Variants in NHSL1 observed in about 807,000 individuals in gnomAD.
The protein encoded by NHSL1 is NHS-like protein 1.
NHSL1 carries 48 observed loss-of-function variants against 95.0 expected under a neutral mutation model. The ratio of observed to expected loss-of-function variants is 0.51; its 90% CI spans 0.40 to 0.64. The LOEUF is 0.64. NHSL1 is among the 30% of genes least tolerant of loss of function. NHSL1 has a pLI of 0.00. For synonymous variants in NHSL1, 783 were observed against 833.9 expected (o/e 0.94, Z 1.05); for missense variants, 1,971 against 2,077.7 (o/e 0.95, Z 1.00).
intron 1 of NHSL1, among the ~76,000 whole-genome samples, chr6:138,667,542 A>T (rs75348099): frequency 0.062 from 9,398 of 152,310 alleles, 308 homozygotes; most frequent in South Asian, 0.076. Context: ...CTGGAAATGC[A>T]TATACTTGAG....
rs1411835418 is a variant in NHSL1 at position 138,424,794 on chromosome 6, G to A, written c.4108C>T (p.Arg1370Cys). 1.3e-6 allele frequency: 2 copies of A among 1,549,970 alleles called. No homozygotes were observed. Among genetic ancestry groups the A allele is most frequent in the Admixed American group, 2.0e-5 (1 of 50,858 alleles). The change falls in exon 8 of 8, where the codon CGT becomes TGT. Residue 1370 changes from arginine to cysteine, a missense_variant. By Grantham distance (180) the Arg-to-Cys change is radical. Transcript: ENST00000343505. The surrounding 1 kb of genome is among the most constrained non-coding windows in gnomAD (Gnocchi z 5.9). ...IHRSKRKVLG[R>C]RDSDDDHSRN... is the part of the protein sequence containing the mutation. ...GAGTGGTCATCATCTGAATCTCTAC[G>A]GCCGAGGACTTTCCTTTTGGATCTG... is the stretch of plus-strand genomic sequence containing the variant.
At chr6:138,475,395 A>AT (rs71009588) in intron 2 of NHSL1, among the ~76,000 whole-genome samples, 8,358 of 151,246 alleles carry the variant, frequency 0.055, 637 homozygotes, top group East Asian at 0.29. Context: ...GCATTATTTT[A>AT]TTTTTTTTAT....
intron 1 of NHSL1, chr6:138,571,689 A>T: frequency 6.5e-7 from 1 of 1,548,388 alleles, no homozygotes; most frequent in Non-Finnish European, 8.7e-7. Flanking sequence ...AAATGTTTAA[A>T]TTTTTTAAAA....
chr6:138,641,026 C>T (rs1784952930), intron 1 of NHSL1, among the ~76,000 whole-genome samples: 1 of 152,232 alleles, frequency 6.6e-6, no homozygotes, highest in Admixed American at 6.5e-5. Flanking sequence ...ACAAAACAGT[C>T]CTCCCACCCC....
chr6:138,611,484 C>T (rs1197724294), intron 1 of NHSL1, among the ~76,000 whole-genome samples: 1 of 152,122 alleles, frequency 6.6e-6, no homozygotes, highest in Non-Finnish European at 1.5e-5. Flanking sequence ...CGGTGGCTCA[C>T]GCCTGTAATC....
intron 1 of NHSL1, among the ~76,000 whole-genome samples, chr6:138,569,245 ATGTG>A (rs58789555): frequency 3.7e-4 from 55 of 147,496 alleles, no homozygotes; most frequent in East Asian, 4.0e-4. Context: ...TTGTGTGTAT[ATGTG>A]TGTGTGTGTG....
intron 1 of NHSL1, among the ~76,000 whole-genome samples, chr6:138,649,902 C>T (rs1049288407): frequency 6.6e-6 from 1 of 152,144 alleles, no homozygotes; most frequent in Non-Finnish European, 1.5e-5. Flanking sequence ...CCCATCCAAC[C>T]TGGGCCCCCA....
At chr6:138,564,884 A>C (rs903714192) in intron 1 of NHSL1, among the ~76,000 whole-genome samples, 1 of 152,174 alleles carries the variant, frequency 6.6e-6, no homozygotes, top group African/African-American at 2.4e-5. Context: ...GGAGGTCAAC[A>C]GGCAGGGGAG....
intron 1 of NHSL1, among the ~76,000 whole-genome samples, chr6:138,556,948 A>C (rs373185679): frequency 1.6e-4 from 25 of 152,320 alleles, no homozygotes; most frequent in African/African-American, 5.1e-4. Context: ...CAGATGGAGA[A>C]AAGAGAGTGA....
At chr6:138,551,992 A>C (rs1439097676) in intron 1 of NHSL1, among the ~76,000 whole-genome samples, 1 of 152,216 alleles carries the variant, frequency 6.6e-6, no homozygotes, top group Non-Finnish European at 1.5e-5. Context: ...CAAACTAACC[A>C]TGGAGCAGTA....
intron 1 of NHSL1, among the ~76,000 whole-genome samples, chr6:138,649,768 C>T (rs1785064571): frequency 1.3e-5 from 2 of 152,250 alleles, no homozygotes; most frequent in African/African-American, 2.4e-5. Flanking sequence ...TGATGGTGGC[C>T]GTGTGCCAGG....
At chr6:138,657,812 CTCAAAAAAAAAAA>C (rs929342049) in intron 1 of NHSL1, among the ~76,000 whole-genome samples, 13 of 71,120 alleles carry the variant, frequency 1.8e-4, no homozygotes, top group African/African-American at 8.8e-4. Flanking sequence ...GAGACTCCAT[CTCAAAAAAAAAAA>C]AAAAAAAAAA....
At chr6:138,491,849 C>T (rs1007747423) in intron 2 of NHSL1, among the ~76,000 whole-genome samples, 1 of 151,966 alleles carries the variant, frequency 6.6e-6, no homozygotes, top group African/African-American at 2.4e-5. Flanking sequence ...ATCCCTAATC[C>T]CAAAACCCAA....
At chr6:138,610,539 T>TAAA (rs1390403525) in intron 1 of NHSL1, among the ~76,000 whole-genome samples, 56 of 114,594 alleles carry the variant, frequency 4.9e-4, no homozygotes, top group African/African-American at 2.5e-3. Context: ...AAAAGTATAA[T>TAAA]AATAAAAAAA....
chr6:138,491,576 A>G (rs1162512305), intron 2 of NHSL1, among the ~76,000 whole-genome samples: 1 of 152,222 alleles, frequency 6.6e-6, no homozygotes, highest in Non-Finnish European at 1.5e-5. Context: ...AAGGATTCAA[A>G]CAATGATGGA....
At chr6:138,691,534 C>A (rs907563367) in intron 1 of NHSL1, among the ~76,000 whole-genome samples, 5 of 152,170 alleles carry the variant, frequency 3.3e-5, no homozygotes, top group African/African-American at 1.2e-4. Flanking sequence ...TCCAGAGCTG[C>A]TGAAATCTAG....
rs75587260 is a variant in NHSL1, at chr6:138,605,840, A to C, written c.96+86636T>G. 9.5e-3 allele frequency among the ~76,000 whole-genome samples: 1,440 copies of C among 152,296 alleles called. 17 individuals carry two copies. The highest frequency in any genetic ancestry group is 0.033 in the African/African-American group (1,352 of 41,554). On this transcript the variant is annotated intron_variant, in intron 1 of 3. Coordinates refer to the NHSL1 transcript ENST00000491526. ...GAGAGGAAAATGGCCAGGTCTCTTGAATAGCTATCAAGCAAGGCAGAAGTG... is the reference window on the plus strand; with the variant it reads ...GAGAGGAAAATGGCCAGGTCTCTTGCATAGCTATCAAGCAAGGCAGAAGTG...
At chr6:138,488,277 C>CAA (rs72245938) in intron 2 of NHSL1, among the ~76,000 whole-genome samples, 2 of 143,430 alleles carry the variant, frequency 1.4e-5, no homozygotes, top group African/African-American at 2.5e-5. Flanking sequence ...GACTCTGTCT[C>CAA]AAAAAAAAAA....
chr6:138,424,956 A>T lies in NHSL1; in HGVS notation c.4086-140T>A. The T allele has an allele frequency of 1.4e-6, 1 of 705,590 alleles. No individual in the cohort carries two copies. 43.7% of individuals were successfully genotyped at this position (705,590 alleles called of 1,614,324 possible). A position where few individuals can be genotyped will look rare whatever the true frequency, so the allele number is the denominator to read the frequency against. On this transcript the variant is annotated intron_variant, in intron 7 of 7. Coordinates refer to ENST00000343505, the MANE Select transcript of NHSL1 (RefSeq NM_001144060.2). The surrounding 1 kb of genome is among the most constrained non-coding windows in gnomAD (Gnocchi z 5.9). Reference sequence around the variant, plus strand: ...TCAAAAAATTTATTTTTGACTGGGCACAGTGGCTCACACCTGTAATCCCAG... The same window carrying T: ...TCAAAAAATTTATTTTTGACTGGGCTCAGTGGCTCACACCTGTAATCCCAG...
Sources: gnomAD v4.1 joint callset for allele counts (sites outside exome capture counted in the v4.1 genomes callset) on GRCh38, gnomAD v4.1.1 for gene constraint, Gnocchi (gnomAD v3.1) non-coding constraint, MANE v1.5 for transcripts, NCBI Gene and HGNC (gene_info 2026-07-23, HGNC 2026-07-21) for gene names.